Variants in TNFAIP8 observed in about 807,000 individuals in gnomAD.
TNFAIP8 encodes tumor necrosis factor alpha-induced protein 8.
In TNFAIP8, 7 loss-of-function variants were observed where a neutral mutation model predicts 13.3. The observed-to-expected ratio is 0.52, with a 90% CI of 0.30 to 0.99. The LOEUF (loss-of-function observed/expected upper bound fraction) is 0.99, where lower values mean the gene tolerates loss of function less well. Ranked by LOEUF, TNFAIP8 falls within the 50% of genes least tolerant of loss-of-function variation. TNFAIP8 has a pLI of 0.07. For missense variants in TNFAIP8, 258 were observed against 236.9 expected (o/e 1.09, Z -0.58); for synonymous variants, 94 against 87.6 (o/e 1.07, Z -0.41).
intron 1 of TNFAIP8, among the ~76,000 whole-genome samples, chr5:119,363,621 T>C (rs976164335): frequency 8.5e-5 from 13 of 152,222 alleles, no homozygotes; most frequent in Non-Finnish European, 8.8e-5. Context: ...AAAAGAAAAG[T>C]AACTGGTTTC....
upstream of TNFAIP8, among the ~76,000 whole-genome samples, chr5:119,353,958 C>T (rs1751282812): frequency 6.6e-6 from 1 of 152,118 alleles, no homozygotes; most frequent in African/African-American, 2.4e-5. Context: ...CTGGTGAGAT[C>T]CCTTAAGATC....
chr5:119,347,159 A>G (rs938328212), intron 1 of TNFAIP8, among the ~76,000 whole-genome samples: 1 of 152,208 alleles, frequency 6.6e-6, no homozygotes, highest in Admixed American at 6.5e-5. Context: ...CTTAAACACA[A>G]CATTCATTAT....
chr5:119,363,845 C>G (rs1348804082), intron 1 of TNFAIP8, among the ~76,000 whole-genome samples: 3 of 152,334 alleles, frequency 2.0e-5, no homozygotes, highest in African/African-American at 7.2e-5. Context: ...GCCAGGCATC[C>G]CATACTTTTG....
intron 1 of TNFAIP8, among the ~76,000 whole-genome samples, chr5:119,300,479 T>G (rs891650619): frequency 1.2e-4 from 19 of 152,332 alleles, no homozygotes; most frequent in African/African-American, 3.8e-4. Context: ...ATGGAATTTT[T>G]TTGCATGTCC....
chr5:119,276,575 C>G (rs1748456280), intron 1 of TNFAIP8, among the ~76,000 whole-genome samples: 1 of 152,118 alleles, frequency 6.6e-6, no homozygotes, highest in South Asian at 2.1e-4. Flanking sequence ...AGTTCAAGAT[C>G]AAGACGTCAA....
chr5:119,346,611 A>G (rs1442437576), intron 1 of TNFAIP8, among the ~76,000 whole-genome samples: 1 of 152,234 alleles, frequency 6.6e-6, no homozygotes, highest in Non-Finnish European at 1.5e-5. Flanking sequence ...CATTTCAACT[A>G]ATACTTGCCT....
chr5:119,319,270 T>A (rs1049010964), intron 1 of TNFAIP8, among the ~76,000 whole-genome samples: 9 of 152,180 alleles, frequency 5.9e-5, no homozygotes, highest in African/African-American at 1.9e-4. Flanking sequence ...TGAGACCCTG[T>A]CCCTGAAATA....
rs548736622 is a variant in TNFAIP8 at position 119,300,101 on chromosome 5, G to A, written c.1+31194G>A. On this transcript the variant is annotated intron_variant, in intron 1 of 1. Coordinates refer to the TNFAIP8 transcript ENST00000274456. ...CCTTGCCCTGCTTCGGCTCGCGCAC[G>A]GTGCGCTGCACCCACTGTCCTGTGC... Among the ~76,000 whole-genome samples, 233 of 152,308 alleles carry A rather than the reference G, an allele frequency of 1.5e-3. 1 individual carries two copies. The highest frequency in any genetic ancestry group is 2.8e-3 in the Non-Finnish European group (190 of 68,018).
chr5:119,351,721 C>T (rs1214536060), upstream of TNFAIP8, among the ~76,000 whole-genome samples: 1 of 152,014 alleles, frequency 6.6e-6, no homozygotes, highest in Admixed American at 6.6e-5. Context: ...GTCATTTTAG[C>T]ATTCCCTTTT....
intron 1 of TNFAIP8, among the ~76,000 whole-genome samples, chr5:119,310,960 T>C (rs1749711464): frequency 6.6e-6 from 1 of 152,218 alleles, no homozygotes; most frequent in South Asian, 2.1e-4. Context: ...AGCATTATAC[T>C]CCAAAGCCTT....
intron 1 of TNFAIP8, among the ~76,000 whole-genome samples, chr5:119,319,955 G>T (rs959900568): frequency 5.3e-5 from 8 of 152,178 alleles, no homozygotes; most frequent in Non-Finnish European, 1.0e-4. Flanking sequence ...CAGAACCAGT[G>T]GATTGAAGCA....
At chr5:119,334,408 G>T (rs1750482207) in intron 1 of TNFAIP8, among the ~76,000 whole-genome samples, 1 of 151,930 alleles carries the variant, frequency 6.6e-6, no homozygotes, top group South Asian at 2.1e-4. Flanking sequence ...ATTTTTTGGA[G>T]CTTAAATTTA....
intron 1 of TNFAIP8, among the ~76,000 whole-genome samples, chr5:119,328,709 TATC>T (rs1209720221): frequency 2.6e-5 from 4 of 152,158 alleles, no homozygotes; most frequent in Non-Finnish European, 5.9e-5. Flanking sequence ...ACTTGGGAAA[TATC>T]ATATGTTCCC....
upstream of TNFAIP8, chr5:119,355,519 A>T (rs1751357939): frequency 3.4e-6 from 2 of 585,080 alleles, no homozygotes; most frequent in Non-Finnish European, 6.1e-6. Context: ...CAAAAATAAC[A>T]TACCAAAGCC....
intron 1 of TNFAIP8, among the ~76,000 whole-genome samples, chr5:119,329,299 A>G (rs1750307360): frequency 6.6e-6 from 1 of 152,224 alleles, no homozygotes; most frequent in Non-Finnish European, 1.5e-5. Flanking sequence ...CTTAAAACAT[A>G]GAAACAAGTA....
At chr5:119,385,609 A>G (rs1752639702) in intron 1 of TNFAIP8, among the ~76,000 whole-genome samples, 1 of 152,202 alleles carries the variant, frequency 6.6e-6, no homozygotes, top group Admixed American at 6.5e-5. Context: ...TTAAAAAAAG[A>G]GAAATTCCCT....
intron 1 of TNFAIP8, among the ~76,000 whole-genome samples, chr5:119,272,119 AG>A (rs1297858964): frequency 6.6e-6 from 1 of 152,218 alleles, no homozygotes; most frequent in African/African-American, 2.4e-5. Flanking sequence ...TTTGGCCTGA[AG>A]AGGAGGAAAT....
In TNFAIP8 at chr5:119,394,400, T is replaced by C. The variant is rs138978980; in HGVS notation, c.*1019T>C. ...TTTTATTTAACTGATAAGATTTTTGTTATTTTTTACTTTGATAAGTAAACC... is the reference window on the plus strand; with the variant it reads ...TTTTATTTAACTGATAAGATTTTTGCTATTTTTTACTTTGATAAGTAAACC... On this transcript the variant is annotated 3_prime_UTR_variant, in exon 2 of 2. Coordinates refer to ENST00000504771, the MANE Select transcript of TNFAIP8 (RefSeq NM_014350.4). 7.2e-5 allele frequency: 11 copies of C among 152,316 alleles called. No homozygotes were observed. The highest frequency in any genetic ancestry group is 2.2e-4 in the African/African-American group (9 of 41,562). 9.4% of individuals were successfully genotyped at this position (152,316 alleles called of 1,614,324 possible). A position where few individuals can be genotyped will look rare whatever the true frequency, so the allele number is the denominator to read the frequency against.
chr5:119,295,055 A>G (rs1412303963), intron 1 of TNFAIP8, among the ~76,000 whole-genome samples: 1 of 151,690 alleles, frequency 6.6e-6, no homozygotes, highest in Non-Finnish European at 1.5e-5. Context: ...ATTAGATCCC[A>G]TTTGTCAATT....
Sources: allele counts gnomAD v4.1 joint callset (sites outside exome capture counted in the v4.1 genomes callset), GRCh38; gene constraint gnomAD v4.1.1; transcripts MANE v1.5; gene names NCBI Gene and HGNC (gene_info 2026-07-23, HGNC 2026-07-21).